The following DNAH11 variants were observed in gnomAD, a reference collection of about 807,000 sequenced individuals.
The protein encoded by DNAH11 is axonemal beta dynein heavy chain 11.
A neutral mutation model predicts 526.0 loss-of-function variants in DNAH11; 442 were observed. The ratio of observed to expected loss-of-function variants is 0.84; its 90% CI spans 0.78 to 0.91. The LOEUF (loss-of-function observed/expected upper bound fraction) is 0.91, where lower values mean the gene tolerates loss of function less well. Ranked by LOEUF, DNAH11 falls within the 40% of genes least tolerant of loss-of-function variation. The pLI is 0.00. For missense variants in DNAH11, 6,989 were observed against 5,448.7 expected (o/e 1.28, Z -8.90); for synonymous variants, 2,461 against 1,935.9 (o/e 1.27, Z -7.12).
At chr7:21,646,087 A>G (rs746290506) in intron 28 of DNAH11, among the ~76,000 whole-genome samples, 5 of 152,226 alleles carry the variant, frequency 3.3e-5, no homozygotes, top group Non-Finnish European at 5.9e-5. Context: ...CTCCAACAAA[A>G]AAACAAAGGC....
intron 6 of DNAH11, 139 bp from the exon 7 acceptor site, chr7:21,569,930 C>T (rs1783819482): frequency 3.1e-6 from 2 of 650,108 alleles, no homozygotes; most frequent in South Asian, 5.2e-5. Context: ...ATTTCTAGAA[C>T]TTGTGCTTTC....
chr7:21,785,121 C>T (rs534907220), intron 58 of DNAH11, among the ~76,000 whole-genome samples: 1 of 152,266 alleles, frequency 6.6e-6, no homozygotes, highest in Non-Finnish European at 1.5e-5. Context: ...TTTTAAGAGC[C>T]TGCAGCTAAT....
intron 66 of DNAH11, among the ~76,000 whole-genome samples, chr7:21,848,401 C>G (rs1782501815): frequency 6.7e-6 from 1 of 149,926 alleles, no homozygotes; most frequent in Non-Finnish European, 1.5e-5. Flanking sequence ...ACAGATAGGT[C>G]TTGTTTTTTA....
At chr7:21,638,188 A>G (rs753854427) in intron 27 of DNAH11, among the ~76,000 whole-genome samples, 1 of 152,192 alleles carries the variant, frequency 6.6e-6, no homozygotes, top group Non-Finnish European at 1.5e-5. Context: ...GGTCGTAAGA[A>G]TATTCTGGCT....
At chr7:21,666,341 T>C (rs2128467922) in intron 30 of DNAH11, among the ~76,000 whole-genome samples, 2 of 152,240 alleles carry the variant, frequency 1.3e-5, no homozygotes, top group East Asian at 3.9e-4. Flanking sequence ...TGTTTTGTTT[T>C]GGAGGCTTGG....
chr7:21,551,862 C>A (rs1471448089), intron 2 of DNAH11, among the ~76,000 whole-genome samples: 1 of 137,410 alleles, frequency 7.3e-6, no homozygotes, highest in African/African-American at 2.7e-5. Flanking sequence ...TTGTTATGAG[C>A]AAATAATTTT....
intron 45 of DNAH11, among the ~76,000 whole-genome samples, chr7:21,730,144 C>G (rs1489735327): frequency 6.6e-6 from 1 of 152,100 alleles, no homozygotes; most frequent in Non-Finnish European, 1.5e-5. Flanking sequence ...CCTAAGGAAA[C>G]AAAATTAGTG....
intron 42 of DNAH11, among the ~76,000 whole-genome samples, chr7:21,712,172 A>C (rs745519684): frequency 3.3e-5 from 5 of 152,198 alleles, no homozygotes; most frequent in Non-Finnish European, 7.3e-5. Flanking sequence ...ACTTAGCATA[A>C]TGTCTTCAGA....
intron 28 of DNAH11, among the ~76,000 whole-genome samples, chr7:21,642,790 A>G (rs1034703643): frequency 2.0e-5 from 3 of 152,080 alleles, no homozygotes; most frequent in Admixed American, 1.3e-4. Flanking sequence ...ATCAGCTTGA[A>G]TAGACCAGCC....
intron 68 of DNAH11, among the ~76,000 whole-genome samples, chr7:21,860,943 T>C (rs1010943937): frequency 3.3e-5 from 5 of 152,266 alleles, no homozygotes; most frequent in African/African-American, 1.2e-4. Flanking sequence ...ATGAGAGTTA[T>C]TCACTACCAC....
chr7:21,812,785 TGA>T (rs1200158288), intron 63 of DNAH11, among the ~76,000 whole-genome samples: 2 of 152,188 alleles, frequency 1.3e-5, no homozygotes, highest in Admixed American at 1.3e-4. Flanking sequence ...TAAAATCATG[TGA>T]GAGGGAACTT....
At chr7:21,874,609 C>T (rs1191207572) in intron 74 of DNAH11, among the ~76,000 whole-genome samples, 1 of 152,014 alleles carries the variant, frequency 6.6e-6, no homozygotes, top group Non-Finnish European at 1.5e-5. Flanking sequence ...TCCACCTTGG[C>T]TGGAATTACA....
At chr7:21,757,527 T>C (rs1328761076) in intron 54 of DNAH11, among the ~76,000 whole-genome samples, 1 of 152,214 alleles carries the variant, frequency 6.6e-6, no homozygotes, top group Non-Finnish European at 1.5e-5. Flanking sequence ...TATTCCTTTC[T>C]TCAGGTTCTT....
In DNAH11 at chr7:21,744,522, G is replaced by A. The variant is rs747546804; in HGVS notation, c.8239G>A (p.Gly2747Arg). ...GCTTCATGAATCTGCCCGTGTTTAT[G>A]GAGACAAACTGATAGACAAAAAAGA... ...LWLHESARVY[G>R]DKLIDKKDCD... Residue 2747 changes from glycine to arginine, a missense_variant, in exon 50 of 82, where the codon GGA becomes AGA. By Grantham distance (125) the Gly-to-Arg change is moderately radical. Coordinates refer to ENST00000409508, the MANE Select transcript of DNAH11 (RefSeq NM_001277115.2). The A allele has an allele frequency of 6.2e-7, 1 of 1,613,812 alleles. No individual in the cohort carries two copies. Among genetic ancestry groups the A allele is most frequent in the East Asian group, 2.2e-5 (1 of 44,878 alleles).
chr7:21,783,069 C>T (rs1477000935), intron 57 of DNAH11, among the ~76,000 whole-genome samples: 5 of 151,974 alleles, frequency 3.3e-5, no homozygotes, highest in Admixed American at 6.6e-5. Flanking sequence ...TCACTGTGTC[C>T]TTATGGAAAA....
intron 34 of DNAH11, among the ~76,000 whole-genome samples, chr7:21,690,053 G>C (rs1205255399): frequency 6.6e-6 from 1 of 152,154 alleles, no homozygotes; most frequent in African/African-American, 2.4e-5. Flanking sequence ...ATTAGTCATA[G>C]CTAACATCTC....
intron 43 of DNAH11, 50 bp from the exon 44 acceptor site, chr7:21,720,675 T>A: frequency 6.6e-7 from 1 of 1,505,872 alleles, no homozygotes; most frequent in Non-Finnish European, 8.9e-7. Context: ...TCTTTGAACT[T>A]CACTATTTTA....
At chr7:21,871,312 T>C (rs1351941246) in intron 73 of DNAH11, among the ~76,000 whole-genome samples, 1 of 152,198 alleles carries the variant, frequency 6.6e-6, no homozygotes, top group Non-Finnish European at 1.5e-5. Flanking sequence ...CCAAGACATA[T>C]AGATTGTCTA....
At chr7:21,631,959 C>T (rs374484394) in intron 25 of DNAH11, among the ~76,000 whole-genome samples, 11 of 152,328 alleles carry the variant, frequency 7.2e-5, no homozygotes, top group East Asian at 3.9e-4. Context: ...AGGACGCTGC[C>T]GCTGCAGCAA....
Sources: gnomAD v4.1 joint callset for allele counts (sites outside exome capture counted in the v4.1 genomes callset) on GRCh38, gnomAD v4.1.1 for gene constraint, MANE v1.5 for transcripts, NCBI Gene and HGNC (gene_info 2026-07-23, HGNC 2026-07-21) for gene names.